Variants in RPH3A observed in about 807,000 individuals in gnomAD.
RPH3A encodes the protein rabphilin-3A.
Under a neutral mutation model 102.2 loss-of-function variants are expected in RPH3A, and 48 were observed. That is an observed-to-expected ratio of 0.47 (90% CI 0.37 to 0.60). The LOEUF (loss-of-function observed/expected upper bound fraction) is 0.60, where lower values mean the gene tolerates loss of function less well. Ranked by LOEUF, RPH3A falls within the 20% of genes least tolerant of loss-of-function variation. RPH3A has a pLI of 0.00. For missense variants in RPH3A, 781 were observed against 910.1 expected (o/e 0.86, Z 1.83); for synonymous variants, 310 against 324.3 (o/e 0.96, Z 0.47).
chr12:112,731,188 GGT>G (rs3839972), intron 1 of RPH3A, among the ~76,000 whole-genome samples: 4 of 149,796 alleles, frequency 2.7e-5, no homozygotes, highest in South Asian at 2.1e-4. Context: ...TTCATTTGAT[GGT>G]GTGTGTGTGT....
At chr12:112,845,372 G>A (rs547312203) in intron 4 of RPH3A, among the ~76,000 whole-genome samples, 1 of 152,286 alleles carries the variant, frequency 6.6e-6, no homozygotes, top group Non-Finnish European at 1.5e-5. Context: ...ATGACTTTGT[G>A]GGGCCCAAAG....
rs566896018 is a variant in RPH3A, at chr12:112,609,208, A to T, written c.-140+33889A>T. Among the ~76,000 whole-genome samples, 200 of 152,274 alleles carry T rather than the reference A, an allele frequency of 1.3e-3. 2 individuals are homozygous for T. The highest frequency in any genetic ancestry group is 4.5e-3 in the African/African-American group (189 of 41,566). On this transcript the variant is annotated intron_variant, in intron 1 of 21. Coordinates refer to the RPH3A transcript ENST00000543106. ...CCTCTCCCCATCTCAAGTAGCTGGG[A>T]TTACAAGTGCACGCCACCATGTCTG...
intron 1 of RPH3A, among the ~76,000 whole-genome samples, chr12:112,726,404 C>A (rs914755768): frequency 1.3e-5 from 2 of 152,154 alleles, no homozygotes; most frequent in Admixed American, 6.5e-5. Flanking sequence ...CATGAAGGTG[C>A]GATTTCTTAC....
At chr12:112,861,072 A>C (rs142885586) in intron 5 of RPH3A, among the ~76,000 whole-genome samples, 1 of 152,336 alleles carries the variant, frequency 6.6e-6, no homozygotes, top group African/African-American at 2.4e-5. Context: ...ATCAATGCAG[A>C]CATGCTCTGT....
intron 1 of RPH3A, among the ~76,000 whole-genome samples, chr12:112,736,858 A>G (rs890165511): frequency 6.6e-6 from 1 of 152,138 alleles, no homozygotes; most frequent in Non-Finnish European, 1.5e-5. Context: ...AGGCTACTTA[A>G]AGAAAAGTAC....
chr12:112,845,151 C>T (rs575353882), intron 4 of RPH3A, among the ~76,000 whole-genome samples: 1 of 152,286 alleles, frequency 6.6e-6, no homozygotes, highest in African/African-American at 2.4e-5. Flanking sequence ...GAGGGGACTA[C>T]ACACAGGAGG....
chr12:112,752,423 G>A (rs899304878), intron 1 of RPH3A, among the ~76,000 whole-genome samples: 1 of 152,088 alleles, frequency 6.6e-6, no homozygotes, highest in Non-Finnish European at 1.5e-5. Flanking sequence ...CAAAATGTGT[G>A]TATTTTTATC....
chr12:112,756,210 C>T (rs1222849988), intron 1 of RPH3A, among the ~76,000 whole-genome samples: 1 of 151,898 alleles, frequency 6.6e-6, no homozygotes, highest in African/African-American at 2.4e-5. Flanking sequence ...ATTGACATCA[C>T]ACATCACGCT....
At chr12:112,796,793 T>C (rs1215927322) in intron 2 of RPH3A, among the ~76,000 whole-genome samples, 1 of 152,216 alleles carries the variant, frequency 6.6e-6, no homozygotes, top group African/African-American at 2.4e-5. Flanking sequence ...TTCATGCCTG[T>C]AATCCCAGCC....
intron 2 of RPH3A, among the ~76,000 whole-genome samples, chr12:112,818,118 G>C (rs2041710043): frequency 6.6e-6 from 1 of 151,590 alleles, no homozygotes; most frequent in Admixed American, 6.6e-5. Flanking sequence ...CGAGACCATG[G>C]TGAAACCCCG....
At chr12:112,847,950 C>A in intron 5 of RPH3A, 108 bp downstream of exon 5, 1 of 1,305,838 alleles carries the variant, frequency 7.7e-7, no homozygotes, top group Non-Finnish European at 1.0e-6. Context: ...TGCCTCTGGG[C>A]TTTGCCATTT....
chr12:112,615,212 T>C (rs76783240), intron 1 of RPH3A, among the ~76,000 whole-genome samples: 3 of 150,946 alleles, frequency 2.0e-5, no homozygotes, highest in Non-Finnish European at 4.4e-5. Context: ...TTCTGTGCTA[T>C]TTTTTTTTCT....
intron 1 of RPH3A, among the ~76,000 whole-genome samples, chr12:112,576,907 T>C (rs2039363633): frequency 7.8e-6 from 1 of 128,440 alleles, no homozygotes. Context: ...TTTCTTTTCT[T>C]CCTTTTTTTT....
At chr12:112,801,343 C>A (rs1295384386) in intron 2 of RPH3A, among the ~76,000 whole-genome samples, 1 of 152,228 alleles carries the variant, frequency 6.6e-6, no homozygotes, top group African/African-American at 2.4e-5. Context: ...GAGCATGCAG[C>A]AGGCTTGCCT....
At chr12:112,827,639 G>C (rs2041900785) in intron 2 of RPH3A, among the ~76,000 whole-genome samples, 1 of 152,096 alleles carries the variant, frequency 6.6e-6, no homozygotes, top group African/African-American at 2.4e-5. Context: ...CTATTTTAAA[G>C]ATCAAGACAA....
At chr12:112,724,806 T>C (rs962227641) in intron 1 of RPH3A, among the ~76,000 whole-genome samples, 8 of 151,990 alleles carry the variant, frequency 5.3e-5, no homozygotes, top group African/African-American at 1.9e-4. Flanking sequence ...CTGTCTCTAC[T>C]AAAAATACAA....
At chr12:112,807,482 A>G (rs2041491969) in intron 2 of RPH3A, among the ~76,000 whole-genome samples, 2 of 152,136 alleles carry the variant, frequency 1.3e-5, no homozygotes, top group African/African-American at 4.8e-5. Flanking sequence ...TTGCTCATCT[A>G]TCTGTGTTCA....
chr12:112,869,809 T>C lies in RPH3A; in HGVS notation c.649+12T>C, dbSNP rs763311733. On this transcript the variant is annotated intron_variant, in intron 9 of 21. Coordinates refer to ENST00000389385, the MANE Select transcript of RPH3A (RefSeq NM_001143854.2). ...GGGTCAGAAGACAGGTGGGTTCTGCTGACTCTGTTTTGTCATTTGAGACAC... is the reference window on the plus strand; with the variant it reads ...GGGTCAGAAGACAGGTGGGTTCTGCCGACTCTGTTTTGTCATTTGAGACAC... The C allele has an allele frequency of 9.9e-6, 16 of 1,614,102 alleles. No individual in the cohort carries two copies. The highest frequency in any genetic ancestry group is 1.3e-5 in the African/African-American group (1 of 74,942).
At chr12:112,721,378 G>T (rs976985675) in intron 1 of RPH3A, among the ~76,000 whole-genome samples, 2 of 152,146 alleles carry the variant, frequency 1.3e-5, no homozygotes, top group African/African-American at 4.8e-5. Flanking sequence ...GGAAAAGGAA[G>T]AATGTTAAAC....
Sources: gnomAD v4.1 joint callset for allele counts (sites outside exome capture counted in the v4.1 genomes callset) on GRCh38, gnomAD v4.1.1 for gene constraint, MANE v1.5 for transcripts, NCBI Gene and HGNC (gene_info 2026-07-23, HGNC 2026-07-21) for gene names.